The following BMPER variants were observed in gnomAD, a reference collection of about 807,000 sequenced individuals.
BMPER encodes the protein BMP binding endothelial regulator.
BMPER carries 45 observed loss-of-function variants against 87.3 expected under a neutral mutation model. That is an observed-to-expected ratio of 0.52 (90% confidence interval 0.41 to 0.66). The LOEUF (loss-of-function observed/expected upper bound fraction) is 0.66. BMPER is among the 30% of genes least tolerant of loss of function. BMPER has a pLI of 0.00. For missense variants in BMPER, 784 were observed against 867.5 expected (o/e 0.90, Z 1.21); for synonymous variants, 326 against 316.2 (o/e 1.03, Z -0.33).
At chr7:33,974,853 C>T (rs1258992501) in intron 6 of BMPER, 69 bp downstream of exon 6, 5 of 1,443,434 alleles carry the variant, frequency 3.5e-6, no homozygotes, top group African/African-American at 2.8e-5. Flanking sequence ...ACCAAGAGCA[C>T]CCCCGGTCTC....
chr7:34,019,458 C>T (rs1787122512), intron 6 of BMPER, among the ~76,000 whole-genome samples: 1 of 152,010 alleles, frequency 6.6e-6, no homozygotes, highest in Non-Finnish European at 1.5e-5. Context: ...CTCCTCTGAT[C>T]CGCATCATTT....
chr7:33,921,932 C>T (rs1296140703), intron 2 of BMPER: 2 of 452,268 alleles, frequency 4.4e-6, no homozygotes, highest in Admixed American at 2.4e-5. Flanking sequence ...CCAACCCCTT[C>T]GACTCCTCAA....
At chr7:34,024,385 ATATATATATATATATATATATATATAT>A (rs1787295862) in intron 6 of BMPER, among the ~76,000 whole-genome samples, 18 of 3,746 alleles carry the variant, frequency 4.8e-3, no homozygotes, top group Non-Finnish European at 9.1e-3. Flanking sequence ...AAAAAAAACA[ATATATATATATATATATATATATATAT>A]ATATATATAT....
At chr7:33,916,802 C>G (rs1784095784) in intron 2 of BMPER, among the ~76,000 whole-genome samples, 1 of 152,142 alleles carries the variant, frequency 6.6e-6, no homozygotes, top group Non-Finnish European at 1.5e-5. Flanking sequence ...AACCTTGGGA[C>G]TTGAGTGGGA....
intron 5 of BMPER, among the ~76,000 whole-genome samples, chr7:33,972,404 A>G (rs1034531303): frequency 3.9e-5 from 6 of 152,046 alleles, no homozygotes; most frequent in Non-Finnish European, 5.9e-5. Flanking sequence ...AGAGCGATCT[A>G]TTTCAGCAGT....
chr7:34,078,638 AG>A (rs956999799), intron 11 of BMPER, among the ~76,000 whole-genome samples: 2 of 152,174 alleles, frequency 1.3e-5, no homozygotes, highest in Non-Finnish European at 2.9e-5. Context: ...GAAAATTCAG[AG>A]GTTTTAAAAT....
intron 2 of BMPER, among the ~76,000 whole-genome samples, chr7:33,913,676 C>T (rs1396194520): frequency 6.6e-6 from 1 of 152,138 alleles, no homozygotes; most frequent in African/African-American, 2.4e-5. Flanking sequence ...GACTCCAAAC[C>T]ATGCCCAAAA....
chr7:34,077,416 A>G (rs929829845), intron 11 of BMPER, among the ~76,000 whole-genome samples: 6 of 152,148 alleles, frequency 3.9e-5, no homozygotes, highest in African/African-American at 1.4e-4. Context: ...GAATTTGAGT[A>G]TTACTGCTGA....
chr7:34,013,458 A>G (rs1212269425), intron 6 of BMPER, among the ~76,000 whole-genome samples: 1 of 151,706 alleles, frequency 6.6e-6, no homozygotes, highest in Non-Finnish European at 1.5e-5. Flanking sequence ...AATTTATTTT[A>G]TCTTTAAAAT....
chr7:34,031,906 A>ATGTG (rs1787527130), intron 6 of BMPER, among the ~76,000 whole-genome samples: 1 of 124,354 alleles, frequency 8.0e-6, no homozygotes, highest in Non-Finnish European at 1.7e-5. Context: ...ATATATATAT[A>ATGTG]TATATATATA....
At chr7:34,134,068 G>A (rs1217920869) in intron 13 of BMPER, among the ~76,000 whole-genome samples, 1 of 152,148 alleles carries the variant, frequency 6.6e-6, no homozygotes, top group East Asian at 1.9e-4. Context: ...CTTCTTCCTG[G>A]TGGTGGCCCA....
At chr7:33,909,122 C>A (rs1452591795) in intron 2 of BMPER, among the ~76,000 whole-genome samples, 4 of 152,052 alleles carry the variant, frequency 2.6e-5, no homozygotes, top group Non-Finnish European at 5.9e-5. Context: ...GCTTGTAGGG[C>A]CTCATCTAAG....
chr7:34,148,040 G>T (rs1791075012), intron 14 of BMPER, among the ~76,000 whole-genome samples: 1 of 152,132 alleles, frequency 6.6e-6, no homozygotes, highest in African/African-American at 2.4e-5. Context: ...GGGGTCATTT[G>T]TGGTCTCTGA....
chr7:33,923,156 C>A (rs995138099), intron 2 of BMPER, among the ~76,000 whole-genome samples: 22 of 152,150 alleles, frequency 1.4e-4, no homozygotes, highest in Admixed American at 1.2e-3. Flanking sequence ...TTTTGAGCCA[C>A]ATTTTTTGGC....
intron 6 of BMPER, among the ~76,000 whole-genome samples, chr7:33,985,312 A>T (rs978178071): frequency 2.6e-5 from 4 of 152,174 alleles, no homozygotes; most frequent in African/African-American, 9.7e-5. Flanking sequence ...TTCATTTAAC[A>T]TTATATTGTG....
At chr7:34,127,029 G>A (rs1790420691) in intron 13 of BMPER, among the ~76,000 whole-genome samples, 1 of 152,126 alleles carries the variant, frequency 6.6e-6, no homozygotes, top group South Asian at 2.1e-4. Context: ...TTCATGGTAG[G>A]CAAAAGAATA....
intron 2 of BMPER, among the ~76,000 whole-genome samples, chr7:33,926,885 C>A (rs1167467335): frequency 1.3e-5 from 2 of 152,224 alleles, no homozygotes; most frequent in Non-Finnish European, 2.9e-5. Flanking sequence ...GTAGTTGGTA[C>A]CAACGTAAAT....
chr7:33,906,274 T>G (rs1243730329), intron 1 of BMPER, among the ~76,000 whole-genome samples: 1 of 152,190 alleles, frequency 6.6e-6, no homozygotes, highest in Non-Finnish European at 1.5e-5. Flanking sequence ...CATACTTTAC[T>G]GACACCTGGT....
At chr7:34,072,390 G>A (rs1170537643) in intron 11 of BMPER, among the ~76,000 whole-genome samples, 1 of 151,968 alleles carries the variant, frequency 6.6e-6, no homozygotes, top group Non-Finnish European at 1.5e-5. Flanking sequence ...AAATCGAGGT[G>A]TCAGCAGGGC....
Sources: allele counts gnomAD v4.1 joint callset (sites outside exome capture counted in the v4.1 genomes callset), GRCh38; gene constraint gnomAD v4.1.1; transcripts MANE v1.5; gene names NCBI Gene and HGNC (gene_info 2026-07-23, HGNC 2026-07-21).